TNS1: variants seen among roughly 807,000 people sequenced by gnomAD.
TNS1 encodes the protein tensin-1.
TNS1 carries 62 observed loss-of-function variants against 168.6 expected under a neutral mutation model. That is an observed-to-expected ratio of 0.37 (90% CI 0.30 to 0.45). TNS1 has a LOEUF of 0.45. Among genes scored for constraint, TNS1 ranks in the 20% least tolerant of loss-of-function variants. The probability of loss-of-function intolerance (pLI) is 1.00; values close to 1 mark genes in which losing one functional copy is unlikely to be tolerated. For synonymous variants in TNS1, 934 were observed against 933.2 expected (o/e 1.00, Z -0.02); for missense variants, 2,240 against 2,339.4 (o/e 0.96, Z 0.88).
chr2:218,000,830 G>A (rs1170294540), intron 1 of TNS1, among the ~76,000 whole-genome samples: 5 of 152,150 alleles, frequency 3.3e-5, no homozygotes, highest in Non-Finnish European at 7.4e-5. Flanking sequence ...AAAGGAGACA[G>A]GGGAGGGACA....
At chr2:217,915,092 G>A (rs937656880) in intron 4 of TNS1, among the ~76,000 whole-genome samples, 5 of 152,138 alleles carry the variant, frequency 3.3e-5, no homozygotes, top group Non-Finnish European at 5.9e-5. Context: ...ATTTTTTCAG[G>A]ATTTCCCAAG....
chr2:218,002,516 G>A (rs1958584090), intron 1 of TNS1, among the ~76,000 whole-genome samples: 1 of 146,750 alleles, frequency 6.8e-6, no homozygotes, highest in African/African-American at 2.5e-5. Flanking sequence ...TGCAAGTCGG[G>A]AGGAAAGGCT....
intron 2 of TNS1, among the ~76,000 whole-genome samples, chr2:217,990,141 C>T (rs1482432788): frequency 1.4e-5 from 2 of 145,046 alleles, no homozygotes; most frequent in Admixed American, 6.8e-5. Flanking sequence ...AGCCACAGAC[C>T]CTCAAAACAC....
intron 3 of TNS1, among the ~76,000 whole-genome samples, chr2:217,977,648 A>G (rs146717970): frequency 1.3e-5 from 2 of 152,268 alleles, no homozygotes; most frequent in Non-Finnish European, 2.9e-5. Context: ...TTCTCACAAC[A>G]ACTTTATGAG....
At chr2:217,885,869 G>T in intron 14 of TNS1, 50 bp from the exon 15 acceptor site, 1 of 1,595,480 alleles carries the variant, frequency 6.3e-7, no homozygotes, top group South Asian at 1.1e-5. Context: ...GAGGGGAGAT[G>T]AGGGAGGGGC....
chr2:217,893,638 A>C, intron 9 of TNS1, 77 bp from the exon 10 acceptor site: 1 of 1,517,276 alleles, frequency 6.6e-7, no homozygotes, highest in Non-Finnish European at 8.8e-7. Flanking sequence ...CACCTACGCC[A>C]CGTGCCAGTA....
chr2:217,872,303 T>C (rs933727315), intron 18 of TNS1, among the ~76,000 whole-genome samples: 2 of 152,216 alleles, frequency 1.3e-5, no homozygotes, highest in Non-Finnish European at 2.9e-5. Context: ...CGGCAAATTA[T>C]ATATCTGCTA....
At chr2:217,829,115 C>T (rs1250343767) in intron 22 of TNS1, among the ~76,000 whole-genome samples, 1 of 152,186 alleles carries the variant, frequency 6.6e-6, no homozygotes. Context: ...GTGGCTCACA[C>T]CTGTAATCCC....
chr2:217,979,064 A>G (rs1957969345), intron 2 of TNS1: 2 of 451,042 alleles, frequency 4.4e-6, no homozygotes. Flanking sequence ...CGGGTGCGGG[A>G]AGGTGGGGGG....
intron 6 of TNS1, among the ~76,000 whole-genome samples, chr2:217,905,798 T>A (rs547166139): frequency 2.2e-4 from 34 of 152,244 alleles, no homozygotes; most frequent in African/African-American, 7.5e-4. Flanking sequence ...ATTTCAGGCA[T>A]CCGCCCCTTC....
intron 2 of TNS1, among the ~76,000 whole-genome samples, chr2:217,984,546 C>T (rs919390342): frequency 6.6e-5 from 10 of 151,946 alleles, no homozygotes; most frequent in East Asian, 5.8e-4. Context: ...GGAGTGCAGT[C>T]GTGTGCTCAT....
intron 2 of TNS1, among the ~76,000 whole-genome samples, chr2:217,984,930 G>A (rs1323124735): frequency 6.6e-6 from 1 of 151,622 alleles, no homozygotes; most frequent in Non-Finnish European, 1.5e-5. Context: ...TAAGTTTTTT[G>A]TATCTCTAAG....
upstream of TNS1, chr2:218,003,013 G>A: frequency 4.6e-6 from 2 of 438,186 alleles, no homozygotes; most frequent in Admixed American, 2.4e-5. Flanking sequence ...CTCTCGCCCT[G>A]CTGCCTCCAG....
At chr2:217,916,435 A>T (rs1955015188) in intron 4 of TNS1, among the ~76,000 whole-genome samples, 1 of 152,126 alleles carries the variant, frequency 6.6e-6, no homozygotes, top group Admixed American at 6.6e-5. Flanking sequence ...CACACAGAAG[A>T]CCTGACATCC....
chr2:217,813,380 C>A lies in TNS1; in HGVS notation c.4862-73G>T. 7.8e-7 allele frequency: 1 copy of A among 1,284,334 alleles called. No homozygotes were observed. Among genetic ancestry groups the A allele is most frequent in the Non-Finnish European group, 1.1e-6 (1 of 903,794 alleles). 79.6% of individuals were successfully genotyped at this position (1,284,334 alleles called of 1,614,324 possible). A position where few individuals can be genotyped will look rare whatever the true frequency, so the allele number is the denominator to read the frequency against. ...CTCCCACCACCTCCCAAGACTGCTT[C>A]AAAACTTCCGCAGTGTGCGGGGCCA... On this transcript the variant is annotated intron_variant, in intron 26 of 32. Coordinates refer to ENST00000682258, the MANE Select transcript of TNS1 (RefSeq NM_001387777.1). The surrounding 1 kb of genome is among the most constrained non-coding windows in gnomAD (Gnocchi z 4.0).
At chr2:217,893,120 G>A (rs746715725) in intron 10 of TNS1, 108 bp from the exon 11 acceptor site, 73 of 1,371,632 alleles carry the variant, frequency 5.3e-5, no homozygotes, top group Non-Finnish European at 6.7e-5. Flanking sequence ...AGAGAGGGGT[G>A]TGGATTTAAG....
upstream of TNS1, among the ~76,000 whole-genome samples, chr2:218,012,703 C>T (rs1958716577): frequency 6.6e-6 from 1 of 152,124 alleles, no homozygotes; most frequent in Non-Finnish European, 1.5e-5. Flanking sequence ...CAATGCCATA[C>T]TGCCACAAGT....
chr2:217,955,218 C>T (rs1026760957), intron 3 of TNS1, among the ~76,000 whole-genome samples: 2 of 152,216 alleles, frequency 1.3e-5, no homozygotes, highest in African/African-American at 4.8e-5. Context: ...GGGTTCCACG[C>T]CCGCAGTGCC....
intron 28 of TNS1, among the ~76,000 whole-genome samples, 190 bp downstream of exon 28, chr2:217,812,178 A>G (rs929241636): frequency 6.6e-6 from 1 of 152,224 alleles, no homozygotes; most frequent in African/African-American, 2.4e-5. Flanking sequence ...TCCTGGAGTC[A>G]AGCTTTTTCA....
Sources: gnomAD v4.1 joint callset for allele counts (sites outside exome capture counted in the v4.1 genomes callset) on GRCh38, gnomAD v4.1.1 for gene constraint, Gnocchi (gnomAD v3.1) non-coding constraint, MANE v1.5 for transcripts, NCBI Gene and HGNC (gene_info 2026-07-23, HGNC 2026-07-21) for gene names.